JAZF1: variants seen among roughly 807,000 people sequenced by gnomAD.
JAZF1 encodes JAZF zinc finger 1, also known as juxtaposed with another zinc finger protein 1.
In JAZF1, 8 loss-of-function variants were observed where a neutral mutation model predicts 26.4. That is an observed-to-expected ratio of 0.30 (90% confidence interval 0.18 to 0.55). The LOEUF (loss-of-function observed/expected upper bound fraction) is 0.55. Ranked by LOEUF, JAZF1 falls within the 20% of genes least tolerant of loss-of-function variation. The pLI is 0.94. For missense variants in JAZF1, 199 were observed against 322.0 expected (o/e 0.62, Z 2.92); for synonymous variants, 126 against 122.3 (o/e 1.03, Z -0.20).
chr7:28,039,923 T>C (rs140144493), intron 1 of JAZF1, among the ~76,000 whole-genome samples: 11 of 152,182 alleles, frequency 7.2e-5, no homozygotes, highest in African/African-American at 2.4e-4. Flanking sequence ...TTCTGAAACA[T>C]TAATTAACTG....
At chr7:28,031,970 T>C (rs1167557405) in intron 1 of JAZF1, among the ~76,000 whole-genome samples, 2 of 152,224 alleles carry the variant, frequency 1.3e-5, no homozygotes, top group Admixed American at 6.5e-5. Flanking sequence ...CATGGGAACC[T>C]GCAATGGGAG....
At chr7:27,990,902 A>G (rs151053014) in intron 2 of JAZF1, among the ~76,000 whole-genome samples, 1 of 152,352 alleles carries the variant, frequency 6.6e-6, no homozygotes, top group African/African-American at 2.4e-5. Context: ...GGGAAGGCTG[A>G]TAAGCAAGAA....
intron 2 of JAZF1, among the ~76,000 whole-genome samples, chr7:27,981,818 G>A (rs1175208900): frequency 1.3e-5 from 2 of 152,106 alleles, no homozygotes; most frequent in East Asian, 1.9e-4. Context: ...ATCATGCCCT[G>A]ACTCTAGAAT....
At chr7:28,028,585 C>A (rs1783131524) in intron 1 of JAZF1, among the ~76,000 whole-genome samples, 2 of 152,220 alleles carry the variant, frequency 1.3e-5, no homozygotes, top group Admixed American at 6.5e-5. Flanking sequence ...AATGTAACAA[C>A]AATGCATCTG....
chr7:28,178,097 T>C (rs1302932228), intron 1 of JAZF1, among the ~76,000 whole-genome samples: 1 of 152,206 alleles, frequency 6.6e-6, no homozygotes, highest in African/African-American at 2.4e-5. Flanking sequence ...GTCACTGCTA[T>C]TGCTGTAAAC....
chr7:27,855,067 TTC>T (rs1380225497), intron 3 of JAZF1, among the ~76,000 whole-genome samples: 1 of 152,166 alleles, frequency 6.6e-6, no homozygotes, highest in Non-Finnish European at 1.5e-5. Flanking sequence ...TTCCTTTTCA[TTC>T]TCTTTTCTCT....
intron 1 of JAZF1, among the ~76,000 whole-genome samples, chr7:28,134,133 T>C (rs1226390704): frequency 2.0e-5 from 3 of 152,228 alleles, no homozygotes; most frequent in African/African-American, 7.2e-5. Flanking sequence ...GAGCACTCCA[T>C]GCATGTTGGC....
rs1203056987 is a variant in JAZF1 at position 28,060,804 on chromosome 7, G to T, written c.116-68823C>A. 2.0e-5 allele frequency among the ~76,000 whole-genome samples: 3 copies of T among 152,158 alleles called. No homozygotes were observed. In the East Asian group the frequency reaches 5.8e-4, roughly 29 times the overall value. ...GAGTTTTCCTTCTGTGGCTCTGGAG[G>T]TTGTAAAAACCTAAGAGCAAGTTCA... On this transcript the variant is annotated intron_variant, in intron 1 of 4. Transcript: ENST00000283928.
At chr7:27,874,814 G>A (rs1012897423) in intron 3 of JAZF1, among the ~76,000 whole-genome samples, 3 of 152,136 alleles carry the variant, frequency 2.0e-5, no homozygotes, top group Admixed American at 1.3e-4. Context: ...TGGGAAGGCT[G>A]GTCAATAGCC....
At position 27,879,743 on chromosome 7, in the gene JAZF1, T is replaced by C. The variant is rs4560707; in HGVS notation, c.385+15477A>G. 7.9e-5 allele frequency among the ~76,000 whole-genome samples: 12 copies of C among 152,260 alleles called. No homozygotes were observed. The East Asian group carries it at 1.7e-3, about 22-fold the overall frequency. On this transcript the variant is annotated intron_variant, in intron 3 of 4. Coordinates refer to ENST00000283928, the MANE Select transcript of JAZF1 (RefSeq NM_175061.4). ...CATTTATTTAATATCTTAGAAAATATACTTGAATGAGAGGAACCAATGAAA... is the reference window on the plus strand; with the variant it reads ...CATTTATTTAATATCTTAGAAAATACACTTGAATGAGAGGAACCAATGAAA...
At chr7:27,995,292 G>GT (rs1486979270) in intron 1 of JAZF1, among the ~76,000 whole-genome samples, 1 of 152,172 alleles carries the variant, frequency 6.6e-6, no homozygotes, top group Non-Finnish European at 1.5e-5. Flanking sequence ...AAAGCACTTG[G>GT]TTTTTTCATA....
At chr7:28,083,533 G>T (rs986545237) in intron 1 of JAZF1, among the ~76,000 whole-genome samples, 2 of 152,100 alleles carry the variant, frequency 1.3e-5, no homozygotes, top group South Asian at 4.1e-4. Context: ...TTGCAAAGCT[G>T]TAAGAGCACG....
chr7:27,923,841 T>C (rs1189916165), intron 2 of JAZF1, among the ~76,000 whole-genome samples: 10 of 152,224 alleles, frequency 6.6e-5, no homozygotes, highest in Non-Finnish European at 1.3e-4. Flanking sequence ...TTGAGCACTA[T>C]GAGACTGAGG....
At chr7:28,113,821 TC>T (rs2127934490) in intron 1 of JAZF1, among the ~76,000 whole-genome samples, 1 of 152,308 alleles carries the variant, frequency 6.6e-6, no homozygotes, top group East Asian at 1.9e-4. Flanking sequence ...AGCTCCTCAT[TC>T]AGCTGATTAT....
intron 2 of JAZF1, among the ~76,000 whole-genome samples, chr7:27,905,334 TTCTAA>T (rs68117111): frequency 0.25 from 37,403 of 151,396 alleles, 5,044 homozygotes; most frequent in Non-Finnish European, 0.3. Context: ...CTTTGGAGAA[TTCTAA>T]TCTAATTTTG....
intron 2 of JAZF1, among the ~76,000 whole-genome samples, 197 bp downstream of exon 2, chr7:27,991,712 A>G (rs905600872): frequency 6.6e-6 from 1 of 152,224 alleles, no homozygotes; most frequent in African/African-American, 2.4e-5. Flanking sequence ...TGTTTGCAGC[A>G]TATGCACAGA....
intron 1 of JAZF1, among the ~76,000 whole-genome samples, chr7:28,079,093 A>C (rs746669453): frequency 2.0e-5 from 3 of 151,602 alleles, no homozygotes; most frequent in Non-Finnish European, 4.4e-5. Context: ...AGGTTCAAGC[A>C]ATTCTCCCGC....
intron 1 of JAZF1, among the ~76,000 whole-genome samples, chr7:28,102,952 G>C (rs1057400083): frequency 6.6e-6 from 1 of 152,194 alleles, no homozygotes; most frequent in Admixed American, 6.5e-5. Flanking sequence ...AAGTGAACTT[G>C]ACCTTGAGCC....
intron 3 of JAZF1, chr7:27,844,444 T>C (rs566975568): frequency 8.4e-4 from 128 of 152,306 alleles, no homozygotes; most frequent in African/African-American, 3.0e-3. Context: ...ACACCTTTGC[T>C]AGGGAACTCC....
Sources: allele counts gnomAD v4.1 joint callset (sites outside exome capture counted in the v4.1 genomes callset), GRCh38; gene constraint gnomAD v4.1.1; transcripts MANE v1.5; gene names NCBI Gene and HGNC (gene_info 2026-07-23, HGNC 2026-07-21).